Variants in GALNT10 observed in about 807,000 individuals in gnomAD.
The protein encoded by GALNT10 is GalNAc transferase 10.
GALNT10 carries 41 observed loss-of-function variants against 75.0 expected under a neutral mutation model. The ratio of observed to expected loss-of-function variants is 0.55; its 90% CI spans 0.43 to 0.71. GALNT10 has a LOEUF of 0.71. Ranked by LOEUF, GALNT10 falls within the 30% of genes least tolerant of loss-of-function variation. The pLI, the probability that GALNT10 is intolerant of heterozygous loss-of-function variation, is 0.00. For missense variants in GALNT10, 727 were observed against 818.5 expected (o/e 0.89, Z 1.36); for synonymous variants, 302 against 313.0 (o/e 0.96, Z 0.37).
intron 1 of GALNT10, among the ~76,000 whole-genome samples, chr5:154,245,990 G>T (rs1218533850): frequency 2.7e-5 from 4 of 150,892 alleles, no homozygotes; most frequent in Admixed American, 6.6e-5. Flanking sequence ...CCCAGAGTGT[G>T]ATGTTCCCCT....
chr5:154,363,492 G>GAAAAAAA (rs57710576), intron 4 of GALNT10, among the ~76,000 whole-genome samples: 4 of 37,538 alleles, frequency 1.1e-4, no homozygotes, highest in African/African-American at 1.6e-4. Context: ...GCGTTTATCT[G>GAAAAAAA]AAAAAAAAAA....
chr5:154,417,239 C>T lies in GALNT10; in HGVS notation c.*267C>T. The T allele has an allele frequency of 4.7e-6, 2 of 422,014 alleles. No individual in the cohort carries two copies. Among genetic ancestry groups the T allele is most frequent in the Non-Finnish European group, 4.3e-6 (1 of 232,898 alleles). The allele number at this position is 422,014 out of a possible 1,614,324, so 26.1% of individuals were successfully genotyped here. On this transcript the variant is annotated 3_prime_UTR_variant, in exon 12 of 12. Transcript: ENST00000297107. ...CCCTGCTGACATCACGGAAAAGCAA[C>T]AGAGCCTTTTCAACTTTGTCACTAT...
In GALNT10 at chr5:154,416,377, G is replaced by A. The variant is rs1756509788; in HGVS notation, c.1654-437G>A. Among the ~76,000 whole-genome samples the A allele has an allele frequency of 6.6e-6, 1 of 152,112 alleles. No homozygotes were observed. Among genetic ancestry groups the A allele is most frequent in the Admixed American group, 6.5e-5 (1 of 15,276 alleles). Reference sequence around the variant, plus strand: ...GAACCTGAGAGGCAGAGGTTGCAGTGAGCCAAGATTGTGCCACTACACTCC... The same window carrying A: ...GAACCTGAGAGGCAGAGGTTGCAGTAAGCCAAGATTGTGCCACTACACTCC... On this transcript the variant is annotated intron_variant, in intron 11 of 11. Transcript: ENST00000297107. This position sits in a 1 kb window ranked among gnomAD's most constrained non-coding sequence, Gnocchi z 4.5.
intron 1 of GALNT10, among the ~76,000 whole-genome samples, chr5:154,262,394 A>G (rs1281955594): frequency 6.6e-6 from 1 of 152,174 alleles, no homozygotes; most frequent in Admixed American, 6.5e-5. Context: ...GAAATGTGAT[A>G]TATGTCAGCG....
At chr5:154,308,564 A>G (rs1418340934) in intron 3 of GALNT10, among the ~76,000 whole-genome samples, 1 of 152,160 alleles carries the variant, frequency 6.6e-6, no homozygotes, top group Non-Finnish European at 1.5e-5. Flanking sequence ...GAACTAGGAG[A>G]AGCTGTTGGC....
At chr5:154,231,192 C>T (rs1042374172) in intron 1 of GALNT10, among the ~76,000 whole-genome samples, 1 of 152,188 alleles carries the variant, frequency 6.6e-6, no homozygotes, top group Non-Finnish European at 1.5e-5. Flanking sequence ...GTGAGTTTTT[C>T]AGAAAGCTGT....
intron 1 of GALNT10, among the ~76,000 whole-genome samples, chr5:154,210,235 G>A (rs372293252): frequency 3.9e-5 from 6 of 152,166 alleles, no homozygotes; most frequent in Middle Eastern, 6.8e-3. Flanking sequence ...GCCCTCCAAC[G>A]ACTCTGATCT....
chr5:154,252,572 C>T (rs1343580782), intron 1 of GALNT10, among the ~76,000 whole-genome samples: 1 of 151,632 alleles, frequency 6.6e-6, no homozygotes, highest in African/African-American at 2.4e-5. Flanking sequence ...TTATAAGTCC[C>T]TTGCTCTTTT....
intron 5 of GALNT10, among the ~76,000 whole-genome samples, chr5:154,378,453 G>A (rs1002402447): frequency 2.0e-5 from 3 of 152,106 alleles, no homozygotes; most frequent in Admixed American, 1.3e-4. Context: ...TTTTGCAAAC[G>A]AGAAAACTGA....
chr5:154,197,275 C>T (rs1392321620), intron 1 of GALNT10, among the ~76,000 whole-genome samples: 3 of 152,174 alleles, frequency 2.0e-5, no homozygotes, highest in Non-Finnish European at 4.4e-5. Context: ...TCTCCCCTGC[C>T]CCCATACACA....
At position 154,190,736 on chromosome 5, in the gene GALNT10, T is replaced by G. The variant is rs1774841618; in HGVS notation, c.-131T>G. ...GGCGAGCGGCGGAAGTGCCGCGGAG[T>G]TGGAGCGGGGCCGGCGCCGCAGCCG... On this transcript the variant is annotated 5_prime_UTR_variant, in exon 1 of 12. Coordinates refer to ENST00000297107, the MANE Select transcript of GALNT10 (RefSeq NM_198321.4). The G allele has an allele frequency of 3.0e-5, 7 of 235,518 alleles. No individual in the cohort carries two copies. Among genetic ancestry groups the G allele is most frequent in the Non-Finnish European group, 4.0e-5 (6 of 148,772 alleles). 14.6% of individuals were successfully genotyped at this position (235,518 alleles called of 1,614,324 possible). A position where few individuals can be genotyped will look rare whatever the true frequency, so the allele number is the denominator to read the frequency against.
intron 1 of GALNT10, among the ~76,000 whole-genome samples, chr5:154,201,938 A>G (rs1469059162): frequency 1.6e-4 from 6 of 37,752 alleles, no homozygotes; most frequent in Admixed American, 4.9e-4. Context: ...CGAGGAAAAG[A>G]AAAAAAAAAA....
chr5:154,212,365 C>T (rs1752778709), intron 1 of GALNT10, among the ~76,000 whole-genome samples: 1 of 152,220 alleles, frequency 6.6e-6, no homozygotes, highest in African/African-American at 2.4e-5. Flanking sequence ...CCATGACAGG[C>T]ACTGCGCCAG....
Position 154,376,425 on chromosome 5 carries a change from C to T in GALNT10, c.717C>T (p.His239=), listed in dbSNP as rs772940161. The stretch of plus-strand genomic sequence containing the variant: ...ATGTCATCACATTCTTGGATTCACA[C>T]TGTGAAGCCAATGTCAACTGGCTTC... The part of the protein sequence containing the change: ...TGDVITFLDS[H]CEANVNWLPP... The change falls in exon 5 of 12, where the codon CAC becomes CAT. Residue 239 remains histidine, a synonymous_variant. Coordinates refer to ENST00000297107, the MANE Select transcript of GALNT10 (RefSeq NM_198321.4). This position sits in a 1 kb window ranked among gnomAD's most constrained non-coding sequence, Gnocchi z 4.1. 26 of 1,593,188 alleles carry T rather than the reference C, an allele frequency of 1.6e-5. No individual in the cohort carries two copies. Among genetic ancestry groups the T allele is most frequent in the Non-Finnish European group, 2.6e-6 (3 of 1,172,734 alleles).
intron 6 of GALNT10, among the ~76,000 whole-genome samples, chr5:154,382,365 T>G (rs1755746620): frequency 6.6e-6 from 1 of 152,244 alleles, no homozygotes; most frequent in African/African-American, 2.4e-5. Context: ...ATCACTACTA[T>G]TAGATCCCTT....
intron 4 of GALNT10, among the ~76,000 whole-genome samples, chr5:154,373,341 T>C (rs1755603399): frequency 6.6e-6 from 1 of 152,236 alleles, no homozygotes; most frequent in South Asian, 2.1e-4. Flanking sequence ...CTCCCTGCTC[T>C]TCTCTGGGTA....
At chr5:154,235,965 G>T (rs529003176) in intron 1 of GALNT10, among the ~76,000 whole-genome samples, 2 of 152,230 alleles carry the variant, frequency 1.3e-5, no homozygotes, top group Non-Finnish European at 2.9e-5. Context: ...CTAAAAGTTT[G>T]CCCTTTTGTT....
At chr5:154,384,556 G>T (rs1215497073) in intron 6 of GALNT10, among the ~76,000 whole-genome samples, 2 of 152,160 alleles carry the variant, frequency 1.3e-5, no homozygotes, top group Non-Finnish European at 2.9e-5. Flanking sequence ...CATTTTAAGT[G>T]CAGAGTCATC....
At chr5:154,266,785 G>A (rs1429237041) in intron 1 of GALNT10, among the ~76,000 whole-genome samples, 1 of 152,150 alleles carries the variant, frequency 6.6e-6, no homozygotes, top group African/African-American at 2.4e-5. Context: ...AAGAGACTGA[G>A]GTGGAAGGAT....
Sources: allele counts gnomAD v4.1 joint callset (sites outside exome capture counted in the v4.1 genomes callset), GRCh38; gene constraint gnomAD v4.1.1; non-coding constraint Gnocchi (gnomAD v3.1); transcripts MANE v1.5; gene names NCBI Gene and HGNC (gene_info 2026-07-23, HGNC 2026-07-21).